Variants in PRPH2 observed in about 807,000 individuals in gnomAD.
PRPH2 encodes the protein peripherin-2.
Under a neutral mutation model 31.3 loss-of-function variants are expected in PRPH2, and 17 were observed. The observed-to-expected ratio is 0.54, with a 90% CI of 0.37 to 0.81. The LOEUF (loss-of-function observed/expected upper bound fraction) is 0.81, where lower values mean the gene tolerates loss of function less well. Among genes scored for constraint, PRPH2 ranks in the 40% least tolerant of loss-of-function variants. PRPH2 has a pLI of 0.00. For synonymous variants in PRPH2, 165 were observed against 184.4 expected (o/e 0.89, Z 0.85); for missense variants, 430 against 439.7 (o/e 0.98, Z 0.20).
At chr6:42,712,080 G>T in intron 1 of PRPH2, 1 of 566,070 alleles carries the variant, frequency 1.8e-6, no homozygotes, top group Non-Finnish European at 2.2e-6. Context: ...CAGACTACTG[G>T]TTTATGAGGA....
At chr6:42,703,273 C>T (rs1800079783) in intron 2 of PRPH2, among the ~76,000 whole-genome samples, 1 of 152,082 alleles carries the variant, frequency 6.6e-6, no homozygotes, top group Non-Finnish European at 1.5e-5. Flanking sequence ...AGAGCGAATT[C>T]AGCACACTCA....
intron 2 of PRPH2, 63 bp downstream of exon 2, chr6:42,704,302 A>G: frequency 1.3e-6 from 2 of 1,571,110 alleles, no homozygotes; most frequent in Non-Finnish European, 1.7e-6. Context: ...CTCCGCCCCC[A>G]TTAGACCCAA....
chr6:42,717,298 T>C (rs1002396651), intron 1 of PRPH2, among the ~76,000 whole-genome samples: 2 of 151,616 alleles, frequency 1.3e-5, no homozygotes, highest in Non-Finnish European at 2.9e-5. Flanking sequence ...CGGGCACATG[T>C]AATACCAGCT....
chr6:42,707,910 G>A (rs902176617), intron 1 of PRPH2, among the ~76,000 whole-genome samples: 1 of 152,242 alleles, frequency 6.6e-6, no homozygotes, highest in South Asian at 2.1e-4. Context: ...CTCCTGGCTC[G>A]CCCACATGCC....
At chr6:42,705,599 A>AAAAAAAAAATATATATATAT (rs1562424252) in intron 1 of PRPH2, among the ~76,000 whole-genome samples, 1 of 21,598 alleles carries the variant, frequency 4.6e-5, no homozygotes, top group Non-Finnish European at 8.4e-5. Flanking sequence ...AAAAAAAAAA[A>AAAAAAAAAATATATATATAT]ATATATATAT....
chr6:42,714,657 T>C (rs1053248109), intron 1 of PRPH2, among the ~76,000 whole-genome samples: 2 of 152,062 alleles, frequency 1.3e-5, no homozygotes, highest in African/African-American at 2.4e-5. Flanking sequence ...GCTGAGACTA[T>C]AGGCACACAC....
chr6:42,718,136 C>T (rs1429360629), intron 1 of PRPH2, among the ~76,000 whole-genome samples: 2 of 151,966 alleles, frequency 1.3e-5, no homozygotes, highest in Non-Finnish European at 2.9e-5. Flanking sequence ...ATGGCGAAAC[C>T]CTGTCTCTAC....
At chr6:42,715,158 G>A (rs577349780) in intron 1 of PRPH2, among the ~76,000 whole-genome samples, 3 of 152,194 alleles carry the variant, frequency 2.0e-5, no homozygotes, top group Admixed American at 6.5e-5. Context: ...GCAGTGAGTC[G>A]AGATCGTGCC....
intron 1 of PRPH2, among the ~76,000 whole-genome samples, chr6:42,720,720 C>T (rs773819700): frequency 6.6e-6 from 1 of 152,164 alleles, no homozygotes; most frequent in Non-Finnish European, 1.5e-5. Flanking sequence ...AAAAAAACCA[C>T]CCTTAGGAAT....
chr6:42,718,182 A>G (rs1240934150), intron 1 of PRPH2, among the ~76,000 whole-genome samples: 2 of 151,718 alleles, frequency 1.3e-5, no homozygotes, highest in Non-Finnish European at 2.9e-5. Flanking sequence ...GTGGTGGCTC[A>G]CGTCTGTAGT....
intron 2 of PRPH2, 36 bp from the exon 3 acceptor site, chr6:42,698,543 G>A: frequency 1.2e-6 from 2 of 1,613,130 alleles, no homozygotes; most frequent in Admixed American, 1.7e-5. Context: ...GGCAATCTGG[G>A]AGAATCGCTG....
At chr6:42,716,084 GC>G (rs781723434) in intron 1 of PRPH2, among the ~76,000 whole-genome samples, 2 of 152,150 alleles carry the variant, frequency 1.3e-5, no homozygotes, top group East Asian at 3.8e-4. Context: ...ACCAGACACC[GC>G]CCATGCCCAG....
At chr6:42,702,095 C>T (rs1312279126) in intron 2 of PRPH2, among the ~76,000 whole-genome samples, 6 of 152,006 alleles carry the variant, frequency 3.9e-5, no homozygotes, top group Admixed American at 3.9e-4. Flanking sequence ...ACAAAATCAG[C>T]CAGGCGTGGT....
intron 2 of PRPH2, 45 bp downstream of exon 2, chr6:42,704,320 C>A (rs768122667): frequency 6.3e-7 from 1 of 1,588,720 alleles, no homozygotes. Context: ...CAAATGGGAC[C>A]GGAGGCTCTC....
chr6:42,704,287 C>G, intron 2 of PRPH2, 78 bp downstream of exon 2: 1 of 1,546,636 alleles, frequency 6.5e-7, no homozygotes, highest in Non-Finnish European at 8.8e-7. Context: ...GCTCTCCAAG[C>G]CTGGCTCCGC....
chr6:42,702,825 G>A (rs932974812), intron 2 of PRPH2, among the ~76,000 whole-genome samples: 13 of 150,604 alleles, frequency 8.6e-5, no homozygotes, highest in African/African-American at 2.4e-4. Flanking sequence ...AGCTGAGATC[G>A]TGCCATTGCA....
Position 42,721,948 on chromosome 6 carries a change from G to A in PRPH2, c.387C>T (p.Thr129=), listed in dbSNP as rs1582780697. 6.2e-7 allele frequency: 1 copy of A among 1,614,052 alleles called. No individual in the cohort carries two copies. Residue 129 remains threonine, a synonymous_variant, in exon 1 of 3, where the codon ACC becomes ACT. Coordinates refer to ENST00000230381, the MANE Select transcript of PRPH2 (RefSeq NM_000322.5). The stretch of plus-strand genomic sequence containing the variant: ...TGCCGTTCTTGAGCCCTTGGCCCAG[G>A]GTGTTCTCCAGCGAGCCCCGAAGCA... The part of the protein sequence containing the change: ...CFLLRGSLEN[T]LGQGLKNGMK...
At chr6:42,711,014 A>G (rs73426469) in intron 1 of PRPH2, among the ~76,000 whole-genome samples, 1,526 of 152,306 alleles carry the variant, frequency 0.01, 21 homozygotes, top group African/African-American at 0.034. Context: ...GGTACACACT[A>G]TGTGCTTAGT....
intron 1 of PRPH2, among the ~76,000 whole-genome samples, chr6:42,707,810 C>T (rs1253583056): frequency 6.6e-6 from 1 of 152,126 alleles, no homozygotes; most frequent in Non-Finnish European, 1.5e-5. Context: ...CCCTCTACTT[C>T]GTGGGCAGAA....
Sources: allele counts gnomAD v4.1 joint callset (sites outside exome capture counted in the v4.1 genomes callset), GRCh38; gene constraint gnomAD v4.1.1; transcripts MANE v1.5; gene names NCBI Gene and HGNC (gene_info 2026-07-23, HGNC 2026-07-21).